Variants in CLN6 observed in about 807,000 individuals in gnomAD.
The protein encoded by CLN6 is CLN6 transmembrane ER protein, also known as ceroid-lipofuscinosis neuronal protein 6.
A neutral mutation model predicts 33.3 loss-of-function variants in CLN6; 22 were observed. That is an observed-to-expected ratio of 0.66 (90% CI 0.47 to 0.94). The LOEUF is 0.94. Ranked by LOEUF, CLN6 falls within the 40% of genes least tolerant of loss-of-function variation. CLN6 has a pLI of 0.00. For synonymous variants in CLN6, 201 were observed against 174.6 expected (o/e 1.15, Z -1.19); for missense variants, 387 against 417.1 (o/e 0.93, Z 0.63).
At chr15:68,221,684 G>T (rs1357918567) in intron 1 of CLN6, among the ~76,000 whole-genome samples, 1 of 152,112 alleles carries the variant, frequency 6.6e-6, no homozygotes, top group Non-Finnish European at 1.5e-5. Context: ...TCTCTGCCTG[G>T]CCGCCCATCG....
rs1301615984 is a variant in CLN6, at chr15:68,222,370, G to A, written c.84-3720C>T. Among the ~76,000 whole-genome samples the A allele has an allele frequency of 1.8e-4, 25 of 141,980 alleles. 1 individual carries two copies. The highest frequency in any genetic ancestry group is 6.7e-4 in the African/African-American group (25 of 37,534). The allele number at this position is 141,980 out of a possible 152,430, so 93.1% of individuals were successfully genotyped here. On this transcript the variant is annotated intron_variant, in intron 1 of 6. Transcript: ENST00000249806. ...AGGTGAGAAGCGCCTCTGCCCGGCC[G>A]CCCCGTCTGGGAGGTGAGGAGCGTC...
Position 68,219,955 on chromosome 15 carries a change from C to T in CLN6, c.84-1305G>A, listed in dbSNP as rs1455502291. Among the ~76,000 whole-genome samples the T allele has an allele frequency of 6.6e-6, 1 of 152,198 alleles. No individual in the cohort carries two copies. ...GCAACTACTGGCTGATTAAAACAGTCACAACGACCAGTTACTCCTTTTGTA... is the reference window on the plus strand; with the variant it reads ...GCAACTACTGGCTGATTAAAACAGTTACAACGACCAGTTACTCCTTTTGTA... On this transcript the variant is annotated intron_variant, in intron 1 of 6. Coordinates refer to ENST00000249806, the MANE Select transcript of CLN6 (RefSeq NM_017882.3). The surrounding 1 kb of genome is among the most constrained non-coding windows in gnomAD (Gnocchi z 4.2).
At position 68,221,293 on chromosome 15, in the gene CLN6, G is replaced by A. The variant is rs147662411; in HGVS notation, c.84-2643C>T. On this transcript the variant is annotated intron_variant, in intron 1 of 6. Coordinates refer to ENST00000249806, the MANE Select transcript of CLN6 (RefSeq NM_017882.3). ...GTTGCTGAGGCTGGACTGTACTGCC[G>A]TGATCTCAGCTCCCTGCAACCTCCC... Among the ~76,000 whole-genome samples, 65 of 139,120 alleles carry A rather than the reference G, an allele frequency of 4.7e-4. 1 individual carries two copies. In the East Asian group the frequency reaches 9.8e-3, roughly 21 times the overall value. The allele number at this position is 139,120 out of a possible 152,430, so 91.3% of individuals were successfully genotyped here. A position where few individuals can be genotyped will look rare whatever the true frequency, so the allele number is the denominator to read the frequency against.
At chr15:68,217,897 C>A (rs2093224844) in intron 2 of CLN6, among the ~76,000 whole-genome samples, 1 of 16,424 alleles carries the variant, frequency 6.1e-5, no homozygotes, top group Admixed American at 9.7e-4. Context: ...ACCTACCTAC[C>A]TACCTACCTA....
chr15:68,233,148 C>T (rs1016566958), upstream of CLN6, among the ~76,000 whole-genome samples: 1 of 152,178 alleles, frequency 6.6e-6, no homozygotes, highest in Admixed American at 6.5e-5. The surrounding 1 kb of genome is among the most constrained non-coding windows in gnomAD (Gnocchi z 4.3). Context: ...CCTCCCTTCT[C>T]CTCTGTCTCA....
intron 2 of CLN6, among the ~76,000 whole-genome samples, chr15:68,216,589 C>T (rs949909040): frequency 6.6e-6 from 1 of 152,194 alleles, no homozygotes; most frequent in East Asian, 1.9e-4. Context: ...CATTTAGGAA[C>T]CTTTTTTCTC....
chr15:68,209,887 G>A lies in CLN6; in HGVS notation c.543-128C>T. ...TTTACAAAACGCCTAGCCTGGGTGA[G>A]AGGCGCTCCTCTCCACCCAACCTTG... On this transcript the variant is annotated intron_variant, in intron 5 of 6. Transcript: ENST00000249806. The surrounding 1 kb of genome is among the most constrained non-coding windows in gnomAD (Gnocchi z 4.9). 7.7e-7 allele frequency: 1 copy of A among 1,295,852 alleles called. No homozygotes were observed. The highest frequency in any genetic ancestry group is 1.1e-6 in the Non-Finnish European group (1 of 911,572). The allele number at this position is 1,295,852 out of a possible 1,614,324, so 80.3% of individuals were successfully genotyped here. A position where few individuals can be genotyped will look rare whatever the true frequency, so the allele number is the denominator to read the frequency against.
At position 68,227,390 on chromosome 15, in the gene CLN6, C is replaced by A. The variant is rs934027872; in HGVS notation, c.83+2112G>T. Reference sequence around the variant, plus strand: ...AAAAACTGGCAACAAAGCAGGTGGACGTTGGAATGGGTTACCTTAAGAGGT... The same window carrying A: ...AAAAACTGGCAACAAAGCAGGTGGAAGTTGGAATGGGTTACCTTAAGAGGT... On this transcript the variant is annotated intron_variant, in intron 1 of 6. Transcript: ENST00000249806. This position sits in a 1 kb window ranked among gnomAD's most constrained non-coding sequence, Gnocchi z 4.1. Among the ~76,000 whole-genome samples, 2 of 152,166 alleles carry A rather than the reference C, an allele frequency of 1.3e-5. No individual in the cohort carries two copies. The highest frequency in any genetic ancestry group is 1.3e-4 in the Admixed American group (2 of 15,278).
At chr15:68,257,211 T>G, upstream of CLN6, 4 of 202,114 alleles carry the variant, frequency 2.0e-5, no homozygotes, top group Non-Finnish European at 3.9e-5. Flanking sequence ...AGCCCCAGAG[T>G]ACCCGCGTGC....
upstream of CLN6, among the ~76,000 whole-genome samples, chr15:68,230,742 C>G (rs553613943): frequency 2.9e-4 from 44 of 152,184 alleles, no homozygotes; most frequent in Non-Finnish European, 5.6e-4. This position sits in a 1 kb window ranked among gnomAD's most constrained non-coding sequence, Gnocchi z 4.0. Context: ...TAGCCCGTCT[C>G]GAGACCTGAG....
chr15:68,214,275 G>T lies in CLN6; in HGVS notation c.297+15C>A, dbSNP rs1595819539. ...ATGGGGATGACAGGAGAGAGTGGGG[G>T]CCCTGGGACAGTACCTTGAGCAAGA... On this transcript the variant is annotated intron_variant, in intron 3 of 6. Transcript: ENST00000249806. 6 of 1,586,562 alleles carry T rather than the reference G, an allele frequency of 3.8e-6. No homozygotes were observed. The highest frequency in any genetic ancestry group is 5.2e-6 in the Non-Finnish European group (6 of 1,155,022).
At position 68,248,942 on chromosome 15, in the gene CLN6, A is replaced by T. The variant is rs117108408; in HGVS notation, c.179+7748T>A. On this transcript the variant is annotated intron_variant, in intron 1 of 6. Coordinates refer to the CLN6 transcript ENST00000538696. Reference sequence around the variant, plus strand: ...ATAACCAGAATATACAAGGAACTCAAAGAACTCAATAGCAAAACCAACAAC... The same window carrying T: ...ATAACCAGAATATACAAGGAACTCATAGAACTCAATAGCAAAACCAACAAC... Among the ~76,000 whole-genome samples, 87 of 152,316 alleles carry T rather than the reference A, an allele frequency of 5.7e-4. 2 individuals are homozygous for T. In the East Asian group the frequency reaches 0.013, roughly 22 times the overall value.
At position 68,222,706 on chromosome 15, in the gene CLN6, G is replaced by A. The variant is rs570445899; in HGVS notation, c.84-4056C>T. On this transcript the variant is annotated intron_variant, in intron 1 of 6. Coordinates refer to ENST00000249806, the MANE Select transcript of CLN6 (RefSeq NM_017882.3). ...AGAAAAGGGGGAAATGTGGGGAAAA[G>A]AAAGAGAGATCAGATTGTTACTGTG... Among the ~76,000 whole-genome samples, 9 of 152,348 alleles carry A rather than the reference G, an allele frequency of 5.9e-5. No individual in the cohort carries two copies. The East Asian group carries it at 1.7e-3, about 29-fold the overall frequency.
chr15:68,230,666 G>A (rs1044945737), upstream of CLN6, among the ~76,000 whole-genome samples: 1 of 152,152 alleles, frequency 6.6e-6, no homozygotes, highest in Non-Finnish European at 1.5e-5. This position sits in a 1 kb window ranked among gnomAD's most constrained non-coding sequence, Gnocchi z 4.0. Flanking sequence ...TACTACATTG[G>A]AGTTGTGATG....
chr15:68,224,376 G>C (rs920080469), intron 1 of CLN6, among the ~76,000 whole-genome samples: 1 of 150,526 alleles, frequency 6.6e-6, no homozygotes, highest in Non-Finnish European at 1.5e-5. Flanking sequence ...AATCCCAGCA[G>C]TTTGGGAGGG....
chr15:68,233,769 C>T (rs780395919), upstream of CLN6, among the ~76,000 whole-genome samples: 102 of 152,228 alleles, frequency 6.7e-4, no homozygotes, highest in Non-Finnish European at 7.9e-4. The surrounding 1 kb of genome is among the most constrained non-coding windows in gnomAD (Gnocchi z 4.3). Flanking sequence ...AGGGGCCTGA[C>T]TAGGGGATCT....
chr15:68,229,051 A>T (rs1198753596), intron 1 of CLN6, among the ~76,000 whole-genome samples: 2 of 152,132 alleles, frequency 1.3e-5, no homozygotes, highest in East Asian at 3.9e-4. Flanking sequence ...AAATGACAGA[A>T]TCAAGTCCTA....
chr15:68,218,667 C>A lies in CLN6; in HGVS notation c.84-17G>T. The stretch of plus-strand genomic sequence containing the variant: ...GAGCCATGCCTGGGAAGGAACCAGA[C>A]GAGAGAAGTCAGCTCTTCTCTCCTC... On this transcript the variant is annotated splice_polypyrimidine_tract_variant and intron_variant, in intron 1 of 6. Transcript: ENST00000249806. 1.9e-6 allele frequency: 3 copies of A among 1,593,234 alleles called. No homozygotes were observed. Among genetic ancestry groups the A allele is most frequent in the Non-Finnish European group, 2.6e-6 (3 of 1,161,680 alleles).
chr15:68,249,987 G>A (rs555113887), intron 1 of CLN6, among the ~76,000 whole-genome samples: 55 of 152,190 alleles, frequency 3.6e-4, no homozygotes, highest in African/African-American at 1.2e-3. Context: ...TGGTCAGGCC[G>A]ATCTCGAACT....
Sources: allele counts gnomAD v4.1 joint callset (sites outside exome capture counted in the v4.1 genomes callset), GRCh38; gene constraint gnomAD v4.1.1; non-coding constraint Gnocchi (gnomAD v3.1); transcripts MANE v1.5; gene names NCBI Gene and HGNC (gene_info 2026-07-23, HGNC 2026-07-21).